ADAM22: variants seen among roughly 807,000 people sequenced by gnomAD.
ADAM22 encodes ADAM metallopeptidase domain 22.
A neutral mutation model predicts 144.6 loss-of-function variants in ADAM22; 65 were observed. The observed-to-expected ratio is 0.45, with a 90% CI of 0.37 to 0.55. The LOEUF is 0.55. Among genes scored for constraint, ADAM22 ranks in the 20% least tolerant of loss-of-function variants. The pLI, the probability that ADAM22 is intolerant of heterozygous loss-of-function variation, is 0.00. For missense variants in ADAM22, 974 were observed against 1,184.9 expected (o/e 0.82, Z 2.61); for synonymous variants, 391 against 412.6 (o/e 0.95, Z 0.63).
chr7:88,024,399 A>G (rs535570500), intron 3 of ADAM22, among the ~76,000 whole-genome samples: 1 of 152,174 alleles, frequency 6.6e-6, no homozygotes, highest in African/African-American at 2.4e-5. Flanking sequence ...GGGTGAGATG[A>G]TACCTCATTG....
chr7:87,974,489 G>A (rs531690773), intron 2 of ADAM22, among the ~76,000 whole-genome samples: 1 of 152,270 alleles, frequency 6.6e-6, no homozygotes, highest in South Asian at 2.1e-4. Flanking sequence ...TGGGTGAGAA[G>A]TCCTGTGTTT....
At position 88,064,500 on chromosome 7, in the gene ADAM22, A is replaced by T. The variant is rs544198633; in HGVS notation, c.324-11126A>T. On this transcript the variant is annotated intron_variant, in intron 3 of 31. Transcript: ENST00000413139. ...CAAAGTACCACAGACTGAGTAATTT[A>T]TAAATCATAGAATTTTTTTTCCTCA... 4.6e-5 allele frequency among the ~76,000 whole-genome samples: 7 copies of T among 152,302 alleles called. No homozygotes were observed. In the South Asian group the frequency reaches 1.5e-3, roughly 32 times the overall value.
At chr7:88,039,449 CA>C (rs1216762883) in intron 3 of ADAM22, among the ~76,000 whole-genome samples, 758 of 58,604 alleles carry the variant, frequency 0.013, 57 homozygotes, top group East Asian at 0.044. Context: ...GATTCTGTCT[CA>C]AAAAAAAAAA....
chr7:88,168,399 A>G (rs1843427056), intron 25 of ADAM22, 172 bp downstream of exon 25: 1 of 689,550 alleles, frequency 1.5e-6, no homozygotes, highest in Non-Finnish European at 2.7e-6. Flanking sequence ...AGTGATAATA[A>G]CATCATTTTT....
At chr7:87,941,024 G>A (rs185065500) in intron 2 of ADAM22, among the ~76,000 whole-genome samples, 1 of 152,236 alleles carries the variant, frequency 6.6e-6, no homozygotes, top group Non-Finnish European at 1.5e-5. Flanking sequence ...CATCCAGGAT[G>A]TTATTTTGTG....
At chr7:88,021,796 G>C (rs1585067017) in intron 3 of ADAM22, among the ~76,000 whole-genome samples, 3 of 151,956 alleles carry the variant, frequency 2.0e-5, no homozygotes, top group Admixed American at 2.0e-4. Flanking sequence ...TCTGATAGAG[G>C]TTTTCGAGTC....
chr7:88,040,362 C>T (rs944125747), intron 3 of ADAM22, among the ~76,000 whole-genome samples: 1 of 152,032 alleles, frequency 6.6e-6, no homozygotes, highest in South Asian at 2.1e-4. Flanking sequence ...GAACTCCTGA[C>T]CTTAGGTGAT....
At chr7:88,022,617 G>T (rs1430448248) in intron 3 of ADAM22, among the ~76,000 whole-genome samples, 2 of 152,080 alleles carry the variant, frequency 1.3e-5, no homozygotes, top group Non-Finnish European at 2.9e-5. Context: ...ATCTGTTTTG[G>T]TGTATGAAAT....
intron 31 of ADAM22, among the ~76,000 whole-genome samples, chr7:88,193,804 T>C (rs1299567446): frequency 1.3e-5 from 2 of 152,268 alleles, no homozygotes; most frequent in Admixed American, 1.3e-4. Context: ...GTTAGACTCT[T>C]TGGTCTTCAG....
At chr7:88,041,455 T>A (rs1370749519) in intron 3 of ADAM22, among the ~76,000 whole-genome samples, 3 of 151,674 alleles carry the variant, frequency 2.0e-5, no homozygotes, top group African/African-American at 7.2e-5. Flanking sequence ...CATATATATT[T>A]TATATATATA....
chr7:88,049,080 A>C (rs998412876), intron 3 of ADAM22, among the ~76,000 whole-genome samples: 3 of 152,196 alleles, frequency 2.0e-5, no homozygotes, highest in Non-Finnish European at 4.4e-5. Flanking sequence ...TAGAATTTAT[A>C]TAGGTGTTAG....
intron 4 of ADAM22, among the ~76,000 whole-genome samples, chr7:88,086,169 C>G (rs1453259777): frequency 6.6e-6 from 1 of 152,158 alleles, no homozygotes; most frequent in Non-Finnish European, 1.5e-5. Flanking sequence ...GAGCAAGACT[C>G]TGTCTCAAAA....
At chr7:88,029,510 C>G (rs1479928368) in intron 3 of ADAM22, among the ~76,000 whole-genome samples, 3 of 152,114 alleles carry the variant, frequency 2.0e-5, no homozygotes, top group Non-Finnish European at 2.9e-5. Context: ...AGTTTATACA[C>G]CAAAATTAGT....
chr7:87,950,246 T>C (rs1809259093), intron 2 of ADAM22, among the ~76,000 whole-genome samples: 1 of 150,722 alleles, frequency 6.6e-6, no homozygotes, highest in African/African-American at 2.4e-5. Context: ...CATTAACACG[T>C]CATTTAGCAT....
chr7:87,963,996 C>A (rs1848537036), intron 2 of ADAM22, among the ~76,000 whole-genome samples: 1 of 151,992 alleles, frequency 6.6e-6, no homozygotes, highest in South Asian at 2.1e-4. Flanking sequence ...TATATTTTTT[C>A]TTGTAATAAG....
rs1791433019 is a variant in ADAM22 at position 87,997,158 on chromosome 7, G to T, written c.323+18746G>T. ...CATATCTAATAAGGTTTTACTAAAA[G>T]TTTCAAAGCCGTATTCATGTTTATT... On this transcript the variant is annotated intron_variant, in intron 3 of 31. Transcript: ENST00000413139. Among the ~76,000 whole-genome samples, 3 of 152,108 alleles carry T rather than the reference G, an allele frequency of 2.0e-5. No homozygotes were observed. The South Asian group carries it at 6.2e-4, about 32-fold the overall frequency.
At chr7:87,976,566 T>C (rs1225305862) in intron 2 of ADAM22, among the ~76,000 whole-genome samples, 2 of 152,164 alleles carry the variant, frequency 1.3e-5, no homozygotes, top group Non-Finnish European at 2.9e-5. Context: ...ACCCAGTCTG[T>C]GGTATTTTGT....
chr7:88,079,942 A>G (rs1815994189), intron 4 of ADAM22, among the ~76,000 whole-genome samples: 1 of 152,238 alleles, frequency 6.6e-6, no homozygotes, highest in Non-Finnish European at 1.5e-5. Flanking sequence ...GATCAACGAC[A>G]CAGAAAGTTA....
At chr7:88,143,728 C>T (rs958734904) in intron 15 of ADAM22, among the ~76,000 whole-genome samples, 6 of 152,202 alleles carry the variant, frequency 3.9e-5, no homozygotes, top group African/African-American at 9.7e-5. Context: ...AATGCTTTGT[C>T]CTTGCGAATT....
Sources: gnomAD v4.1 joint callset for allele counts (sites outside exome capture counted in the v4.1 genomes callset) on GRCh38, gnomAD v4.1.1 for gene constraint, MANE v1.5 for transcripts, NCBI Gene and HGNC (gene_info 2026-07-23, HGNC 2026-07-21) for gene names.